TYRO3: variants seen among roughly 807,000 people sequenced by gnomAD.
The protein encoded by TYRO3 is tyrosine-protein kinase receptor TYRO3.
TYRO3 carries 38 observed loss-of-function variants against 95.2 expected under a neutral mutation model. That is an observed-to-expected ratio of 0.40 (90% CI 0.31 to 0.52). The LOEUF (loss-of-function observed/expected upper bound fraction) is 0.52, where lower values mean the gene tolerates loss of function less well. TYRO3 is among the 20% of genes least tolerant of loss of function. TYRO3 has a pLI of 0.56. For missense variants in TYRO3, 812 were observed against 1,116.4 expected, an observed-to-expected ratio of 0.73 and a Z score of 3.89; for synonymous variants, 367 against 432.9, an observed-to-expected ratio of 0.85 and a Z score of 1.89.
Position 41,568,136 on chromosome 15 carries a change from G to A in TYRO3, c.962-81G>A, listed in dbSNP as rs557871704. The A allele has an allele frequency of 8.9e-6, 14 of 1,573,530 alleles. No homozygotes were observed. In the South Asian group the frequency reaches 1.4e-4, roughly 16 times the overall value. On this transcript the variant is annotated intron_variant, in intron 7 of 18. Transcript: ENST00000263798. ...GCCTCTCAGAGCTGTTTAGTTCTTGGGAGTTGATTCCAAAGGTCTGCATGG... is the reference window on the plus strand; with the variant it reads ...GCCTCTCAGAGCTGTTTAGTTCTTGAGAGTTGATTCCAAAGGTCTGCATGG...
rs569089684 is a variant in TYRO3 at position 41,576,181 on chromosome 15, T to C, written c.2283-1705T>C. On this transcript the variant is annotated intron_variant, in intron 18 of 18. Transcript: ENST00000263798. Reference sequence around the variant, plus strand: ...TTTTTCCAGATACTCAAAAGTTATATATGAATAGTGAGGACTTTTTCTTTT... The same window carrying C: ...TTTTTCCAGATACTCAAAAGTTATACATGAATAGTGAGGACTTTTTCTTTT... Among the ~76,000 whole-genome samples, 7 of 151,748 alleles carry C rather than the reference T, an allele frequency of 4.6e-5. No individual in the cohort carries two copies. In the South Asian group the frequency reaches 1.2e-3, roughly 27 times the overall value.
At chr15:41,572,715 C>A in intron 15 of TYRO3, 151 bp downstream of exon 15, 1 of 1,076,474 alleles carries the variant, frequency 9.3e-7, no homozygotes, top group Non-Finnish European at 1.3e-6. Flanking sequence ...TCCTTTTAAT[C>A]TAGCAGGCTT....
intron 3 of TYRO3, 46 bp downstream of exon 3, chr15:41,561,685 T>A (rs112039021): frequency 7.5e-7 from 1 of 1,340,416 alleles, no homozygotes; most frequent in East Asian, 2.5e-5. Context: ...GAGCACGTGC[T>A]GTCTGCTGGT....
chr15:41,563,567 C>T (rs995651049), intron 4 of TYRO3, among the ~76,000 whole-genome samples: 1 of 152,140 alleles, frequency 6.6e-6, no homozygotes, highest in Non-Finnish European at 1.5e-5. Flanking sequence ...AGGTTGGGTT[C>T]ACTTCCTTCC....
chr15:41,571,320 C>T (rs976390818), intron 13 of TYRO3, among the ~76,000 whole-genome samples: 7 of 152,214 alleles, frequency 4.6e-5, no homozygotes, highest in African/African-American at 7.2e-5. Context: ...TCTCTGCCAT[C>T]GGCAGTGACT....
At position 41,567,449 on chromosome 15, in the gene TYRO3, C is replaced by T. The variant is rs1207089580; in HGVS notation, c.873C>T (p.Ala291=). 1 of 1,609,628 alleles carries T rather than the reference C, an allele frequency of 6.2e-7. No homozygotes were observed. The highest frequency in any genetic ancestry group is 1.3e-5 in the African/African-American group (1 of 74,654). ...GCCTGCTCCGGGACCTGGTGCCTGC[C>T]ACCAACTACAGCCTCAGGGTGCGCT... ...FTCLLRDLVP[A]TNYSLRVRCA... is the part of the protein sequence containing the mutation. The change falls in exon 7 of 19, where the codon GCC becomes GCT. Residue 291 remains alanine, a synonymous_variant. Coordinates refer to ENST00000263798, the MANE Select transcript of TYRO3 (RefSeq NM_006293.4).
At position 41,560,418 on chromosome 15, in the gene TYRO3, TGTGTGTGTGTGCGC is replaced by T. The variant is rs762739905; in HGVS notation, c.125-707_125-694del. Among the ~76,000 whole-genome samples, 933 of 144,936 alleles carry T rather than the reference TGTGTGTGTGTGCGC, an allele frequency of 6.4e-3. 8 individuals carry two copies. Among genetic ancestry groups the T allele is most frequent in the African/African-American group, 0.023 (869 of 38,580 alleles). On this transcript the variant is annotated intron_variant, in intron 1 of 18. Transcript: ENST00000263798. ...ATGTGTGTGTGTGTGTGTGTGTGTG[TGTGTGTGTGTGCGC>T]GCGCGCGCGCGCGCTCGCACGCAAG...
intron 6 of TYRO3, among the ~76,000 whole-genome samples, chr15:41,566,899 T>C (rs530630845): frequency 3.8e-4 from 58 of 152,230 alleles, no homozygotes; most frequent in Non-Finnish European, 6.9e-4. Context: ...ACTCTTGCCC[T>C]GGGCCCCCAA....
At position 41,568,355 on chromosome 15, in the gene TYRO3, G is replaced by T; in HGVS notation, c.1100G>T (p.Gly367Val). 1 of 1,613,852 alleles carries T rather than the reference G, an allele frequency of 6.2e-7. No individual in the cohort carries two copies. Among genetic ancestry groups the T allele is most frequent in the Non-Finnish European group, 8.5e-7 (1 of 1,179,906 alleles). ...PYKLSWVQDN[G>V]TQDELTVEGT... is the part of the protein sequence containing the mutation. Reference sequence around the variant, plus strand: ...AAACTGTCCTGGGTTCAAGACAATGGAACCCAGGTAAGACAGAACCCTCCC... The same window carrying T: ...AAACTGTCCTGGGTTCAAGACAATGTAACCCAGGTAAGACAGAACCCTCCC... The change falls in exon 8 of 19, where the codon GGA (glycine) becomes GTA (valine). Residue 367 changes from glycine to valine, a missense_variant. Physicochemically the swap from Gly to Val is moderately radical, Grantham distance 109. Transcript: ENST00000263798.
At chr15:41,571,465 C>A in intron 13 of TYRO3, 130 bp from the exon 14 acceptor site, 1 of 691,532 alleles carries the variant, frequency 1.4e-6, no homozygotes, top group South Asian at 1.7e-5. Context: ...GTTTCTCCTG[C>A]TCATGGCTGG....
At chr15:41,575,758 T>C (rs960106056) in intron 18 of TYRO3, among the ~76,000 whole-genome samples, 1 of 152,206 alleles carries the variant, frequency 6.6e-6, no homozygotes, top group Non-Finnish European at 1.5e-5. Flanking sequence ...GCCTGAGGCA[T>C]TCCTTGGGCA....
In TYRO3 at chr15:41,570,115, C is replaced by A; in HGVS notation, c.1341C>A (p.Ala447=). 1 of 1,614,210 alleles carries A rather than the reference C, an allele frequency of 6.2e-7. No homozygotes were observed. Among genetic ancestry groups the A allele is most frequent in the Non-Finnish European group, 8.5e-7 (1 of 1,180,032 alleles). Residue 447 remains alanine (A), a synonymous_variant, in exon 10 of 19, where the codon GCC becomes GCA. Coordinates refer to ENST00000263798, the MANE Select transcript of TYRO3 (RefSeq NM_006293.4). ...CCCTGGTGACGGCTGCTGCCCTGGCCCTCATCCTGCTTCGAAAGAGACGGA... is the reference window on the plus strand; with the variant it reads ...CCCTGGTGACGGCTGCTGCCCTGGCACTCATCCTGCTTCGAAAGAGACGGA... ...LTALVTAAAL[A]LILLRKRRKE...
At chr15:41,562,863 T>C in intron 4 of TYRO3, 145 bp downstream of exon 4, 2 of 818,618 alleles carry the variant, frequency 2.4e-6, no homozygotes, top group South Asian at 3.6e-5. Context: ...GCACCATTAC[T>C]AAGCTCATTA....
rs1314600438 is a variant in TYRO3, at chr15:41,559,401, G to A, written c.124+20G>A. The A allele has an allele frequency of 2.9e-6, 1 of 349,244 alleles. No homozygotes were observed. The highest frequency in any genetic ancestry group is 4.4e-5 in the East Asian group (1 of 22,770). The allele number at this position is 349,244 out of a possible 1,614,324, so 21.6% of individuals were successfully genotyped here. A position where few individuals can be genotyped will look rare whatever the true frequency, so the allele number is the denominator to read the frequency against. On this transcript the variant is annotated intron_variant, in intron 1 of 18. Transcript: ENST00000263798. ...CCGCAGGTAGGGGCTGGCACGGGAG[G>A]CGGCGGGAAGCGGGGGGCTGCGGAG... is the stretch of plus-strand genomic sequence containing the variant.
chr15:41,573,835 G>T lies in TYRO3; in HGVS notation c.2282+20G>T, dbSNP rs973403192. On this transcript the variant is annotated intron_variant, in intron 18 of 18. Coordinates refer to ENST00000263798, the MANE Select transcript of TYRO3 (RefSeq NM_006293.4). ...GGACGTGTGAGTATCCTGGGAAGGGGGCTCTGGAAGGAAAGGGGAATCTGG... is the reference window on the plus strand; with the variant it reads ...GGACGTGTGAGTATCCTGGGAAGGGTGCTCTGGAAGGAAAGGGGAATCTGG... The T allele has an allele frequency of 3.0e-6, 3 of 998,658 alleles. No homozygotes were observed. In the African/African-American group the frequency reaches 5.0e-5, roughly 16 times the overall value. The allele number at this position is 998,658 out of a possible 1,614,324, so 61.9% of individuals were successfully genotyped here. A position where few individuals can be genotyped will look rare whatever the true frequency, so the allele number is the denominator to read the frequency against.
chr15:41,570,458 A>T, intron 11 of TYRO3, 118 bp downstream of exon 11: 6 of 1,403,362 alleles, frequency 4.3e-6, no homozygotes, highest in Non-Finnish European at 5.0e-6. Context: ...CCAGGCACAC[A>T]AATCTGCCTG....
chr15:41,564,658 G>C (rs141684866), intron 5 of TYRO3: 17 of 370,918 alleles, frequency 4.6e-5, no homozygotes, highest in Non-Finnish European at 6.7e-5. Context: ...ACAGAGAGAG[G>C]GGGAGGGAGA....
rs1237937492 is a variant in TYRO3 at position 41,579,377 on chromosome 15, G to A, written c.*1101G>A. The stretch of plus-strand genomic sequence containing the variant: ...TTTTTTTTTCTTTTTTTTTGAGACA[G>A]TCTCACTGTGTTGCCCAGGCTGGAG... On this transcript the variant is annotated 3_prime_UTR_variant, in exon 19 of 19. Coordinates refer to ENST00000263798, the MANE Select transcript of TYRO3 (RefSeq NM_006293.4). The A allele has an allele frequency of 1.3e-5, 2 of 149,930 alleles. No homozygotes were observed. Among genetic ancestry groups the A allele is most frequent in the Non-Finnish European group, 3.0e-5 (2 of 67,672 alleles). The allele number at this position is 149,930 out of a possible 1,614,324, so 9.3% of individuals were successfully genotyped here.
chr15:41,571,884 G>GACC (rs1566902661), intron 14 of TYRO3, among the ~76,000 whole-genome samples, 197 bp downstream of exon 14: 2 of 152,138 alleles, frequency 1.3e-5, no homozygotes, highest in Non-Finnish European at 2.9e-5. Context: ...GTGGCTGGAT[G>GACC]TGGTGGCTCA....
Sources: allele counts gnomAD v4.1 joint callset (sites outside exome capture counted in the v4.1 genomes callset), GRCh38; gene constraint gnomAD v4.1.1; transcripts MANE v1.5; gene names NCBI Gene and HGNC (gene_info 2026-07-23, HGNC 2026-07-21).